MCF2L2: variants seen among roughly 807,000 people sequenced by gnomAD.
The protein encoded by MCF2L2 is MCF.2 cell line derived transforming sequence-like 2, also known as probable guanine nucleotide exchange factor MCF2L2.
Under a neutral mutation model 150.2 loss-of-function variants are expected in MCF2L2, and 102 were observed. The observed-to-expected ratio is 0.68, with a 90% CI of 0.58 to 0.80. MCF2L2 has a LOEUF of 0.80. MCF2L2 is among the 30% of genes least tolerant of loss of function. The pLI, the probability that MCF2L2 is intolerant of heterozygous loss-of-function variation, is 0.00. For synonymous variants in MCF2L2, 465 were observed against 491.3 expected (o/e 0.95, Z 0.71); for missense variants, 1,256 against 1,372.8 (o/e 0.91, Z 1.34).
At chr3:183,296,884 A>T in intron 12 of MCF2L2, 92 bp downstream of exon 12, 1 of 1,399,024 alleles carries the variant, frequency 7.1e-7, no homozygotes, top group Non-Finnish European at 9.7e-7. Flanking sequence ...CCTGCTCAGT[A>T]CCCTGTGTGT....
intron 5 of MCF2L2, among the ~76,000 whole-genome samples, chr3:183,329,591 A>G (rs1191763113): frequency 6.6e-6 from 1 of 152,262 alleles, no homozygotes; most frequent in Non-Finnish European, 1.5e-5. Flanking sequence ...GATAATATTC[A>G]GCAATGAAAG....
chr3:183,306,028 G>C (rs919529230), intron 10 of MCF2L2, among the ~76,000 whole-genome samples: 4 of 152,164 alleles, frequency 2.6e-5, no homozygotes, highest in African/African-American at 9.7e-5. Context: ...TCTTCACAAG[G>C]TCTCTGTGAG....
chr3:183,406,083 T>C (rs192050120), intron 1 of MCF2L2, among the ~76,000 whole-genome samples: 2 of 152,316 alleles, frequency 1.3e-5, no homozygotes, highest in Admixed American at 1.3e-4. Flanking sequence ...GATTTTTGAG[T>C]GACCGTGAGT....
chr3:183,269,929 A>T (rs1241924281), intron 15 of MCF2L2: 1 of 1,614,038 alleles, frequency 6.2e-7, no homozygotes, highest in East Asian at 2.2e-5. Context: ...AGCCATATGA[A>T]GTCATATTCT....
At chr3:183,306,072 G>C (rs1729081402) in intron 10 of MCF2L2, among the ~76,000 whole-genome samples, 1 of 152,198 alleles carries the variant, frequency 6.6e-6, no homozygotes, top group Non-Finnish European at 1.5e-5. Flanking sequence ...ACAGATGAGG[G>C]GGACCATATT....
At position 183,295,443 on chromosome 3, in the gene MCF2L2, T is replaced by C. The variant is rs1728442595; in HGVS notation, c.1532A>G (p.Asp511Gly). The C allele has an allele frequency of 6.2e-7, 1 of 1,613,992 alleles. No individual in the cohort carries two copies. The highest frequency in any genetic ancestry group is 1.3e-5 in the African/African-American group (1 of 74,914). ...KAQKVLQRLD[D>G]VQEIFHKRQV... ...CCTCTTGTGAAATATTTCCTGGACA[T>C]CATCCAGCCTCTGCAAAACTTTCTG... Residue 511 changes from aspartate to glycine, a missense_variant, in exon 13 of 30, where the codon GAT (aspartate) becomes GGT (glycine). By Grantham distance (94) the Asp-to-Gly change is moderately conservative (BLOSUM62 -1). Coordinates refer to ENST00000328913, the MANE Select transcript of MCF2L2 (RefSeq NM_015078.4).
intron 10 of MCF2L2, among the ~76,000 whole-genome samples, chr3:183,306,550 G>A (rs13061820): frequency 0.25 from 38,717 of 152,072 alleles, 5,375 homozygotes; most frequent in Non-Finnish European, 0.31. Context: ...AGAAAGTGGC[G>A]AGAAAGCGAG....
chr3:183,222,837 C>G (rs1318343555), intron 20 of MCF2L2, among the ~76,000 whole-genome samples: 1 of 151,938 alleles, frequency 6.6e-6, no homozygotes, highest in African/African-American at 2.4e-5. Flanking sequence ...TGACTTATCA[C>G]TAAGGAGGGG....
chr3:183,187,072 G>A (rs1721719316), intron 27 of MCF2L2, among the ~76,000 whole-genome samples: 1 of 152,220 alleles, frequency 6.6e-6, no homozygotes, highest in East Asian at 1.9e-4. Context: ...CTCCAGAGAG[G>A]GCTGTTTGCT....
intron 15 of MCF2L2, among the ~76,000 whole-genome samples, chr3:183,241,966 C>T (rs1293345433): frequency 6.6e-6 from 1 of 152,110 alleles, no homozygotes; most frequent in Non-Finnish European, 1.5e-5. Flanking sequence ...GAGACTCTTG[C>T]TATGTTTTAG....
chr3:183,306,387 T>C (rs749180294), intron 10 of MCF2L2, among the ~76,000 whole-genome samples: 48 of 152,224 alleles, frequency 3.2e-4, no homozygotes, highest in Admixed American at 5.9e-4. Context: ...CACAAGCCCA[T>C]CTGGGATCTT....
chr3:183,220,824 C>A (rs1723122451), intron 20 of MCF2L2, among the ~76,000 whole-genome samples: 1 of 152,138 alleles, frequency 6.6e-6, no homozygotes, highest in Non-Finnish European at 1.5e-5. Flanking sequence ...TATTCTTTTG[C>A]AAATTGCTAT....
rs1208517903 is a variant in MCF2L2 at position 183,179,311 on chromosome 3, G to C, written c.*69C>G. 2.1e-5 allele frequency: 29 copies of C among 1,379,322 alleles called. No homozygotes were observed. The Admixed American group carries it at 9.8e-4, about 47-fold the overall frequency. The allele number at this position is 1,379,322 out of a possible 1,614,324, so 85.4% of individuals were successfully genotyped here. ...TTCTGCGTAGCTGGGCAGGGCCCGG[G>C]CCCCCACACCGCCTCTCCCGGGAAT... On this transcript the variant is annotated 3_prime_UTR_variant, in exon 30 of 30. Transcript: ENST00000328913. The surrounding 1 kb of genome is among the most constrained non-coding windows in gnomAD (Gnocchi z 4.2).
In MCF2L2 at chr3:183,224,123, T is replaced by A; in HGVS notation, c.2183A>T (p.Glu728Val). The change falls in exon 19 of 30, where the codon GAG becomes GTG. Residue 728 changes from glutamate (E) to valine (V), a missense_variant. Glu to Val is a moderately radical substitution (Grantham distance 121). Transcript: ENST00000328913. ...CCCAAAGTAGGCGCAGTCTTGACAC[T>A]CTTGCCAGATTGCCCTAGCTCGGGG... Reference protein sequence around the residue: ...NLPRARAIWQECQDCAYFGVC... With the variant: ...NLPRARAIWQVCQDCAYFGVC... 1 of 1,614,028 alleles carries A rather than the reference T, an allele frequency of 6.2e-7. No individual in the cohort carries two copies.
At chr3:183,351,261 C>G (rs1325107801) in intron 3 of MCF2L2, among the ~76,000 whole-genome samples, 1 of 113,062 alleles carries the variant, frequency 8.8e-6, no homozygotes, top group East Asian at 2.8e-4. Context: ...TATCAGAACC[C>G]CAGGGCTCAA....
intron 27 of MCF2L2, among the ~76,000 whole-genome samples, chr3:183,186,812 C>T (rs1721710827): frequency 6.6e-6 from 1 of 152,064 alleles, no homozygotes; most frequent in African/African-American, 2.4e-5. Context: ...CCTGCTTTGG[C>T]TTCCCAAAGT....
At chr3:183,336,468 T>C (rs1427402485) in intron 5 of MCF2L2, among the ~76,000 whole-genome samples, 2 of 152,166 alleles carry the variant, frequency 1.3e-5, no homozygotes, top group Non-Finnish European at 2.9e-5. Flanking sequence ...TTTTTATTTT[T>C]CAATGGACTA....
intron 18 of MCF2L2, chr3:183,226,939 G>C (rs1363696434): frequency 6.6e-6 from 1 of 152,176 alleles, no homozygotes; most frequent in Non-Finnish European, 1.5e-5. Context: ...AGTTGACATG[G>C]AAAGCCATAT....
chr3:183,292,274 G>A (rs1010094414), intron 13 of MCF2L2, among the ~76,000 whole-genome samples: 2 of 152,104 alleles, frequency 1.3e-5, no homozygotes, highest in Admixed American at 6.6e-5. Flanking sequence ...TTGCTAACAG[G>A]CCAGGCATGG....
Sources: allele counts gnomAD v4.1 joint callset (sites outside exome capture counted in the v4.1 genomes callset), GRCh38; gene constraint gnomAD v4.1.1; non-coding constraint Gnocchi (gnomAD v3.1); transcripts MANE v1.5; gene names NCBI Gene and HGNC (gene_info 2026-07-23, HGNC 2026-07-21).